COPS2: variants seen among roughly 807,000 people sequenced by gnomAD.
COPS2 encodes COP9 signalosome complex subunit 2.
Under a neutral mutation model 66.1 loss-of-function variants are expected in COPS2, and 10 were observed. That is an observed-to-expected ratio of 0.15 (90% CI 0.09 to 0.26). The LOEUF (loss-of-function observed/expected upper bound fraction) is 0.26, where lower values mean the gene tolerates loss of function less well. Among genes scored for constraint, COPS2 ranks in the 10% least tolerant of loss-of-function variants. The probability of loss-of-function intolerance (pLI) is 1.00; values close to 1 mark genes in which losing one functional copy is unlikely to be tolerated. For missense variants in COPS2, 215 were observed against 513.3 expected, an observed-to-expected ratio of 0.42 and a Z score of 5.62; for synonymous variants, 179 against 171.3, an observed-to-expected ratio of 1.04 and a Z score of -0.35.
In COPS2 at chr15:49,127,889, C is replaced by A; in HGVS notation, c.*61G>T. ...GACAGTAGTTTTGCCATTCCCAGTT[C>A]TTTTAAGGATTACATCTCTGCACTG... On this transcript the variant is annotated 3_prime_UTR_variant, in exon 13 of 13. Coordinates refer to ENST00000388901, the MANE Select transcript of COPS2 (RefSeq NM_004236.4). 6.6e-7 allele frequency: 1 copy of A among 1,525,794 alleles called. No individual in the cohort carries two copies. Among genetic ancestry groups the A allele is most frequent in the Non-Finnish European group, 8.9e-7 (1 of 1,127,738 alleles). 94.5% of individuals were successfully genotyped at this position (1,525,794 alleles called of 1,614,324 possible).
At chr15:49,155,504 G>A in intron 1 of COPS2, 21 bp downstream of exon 1, 2 of 1,613,402 alleles carry the variant, frequency 1.2e-6, no homozygotes, top group Non-Finnish European at 1.7e-6. Context: ...CACCCTCAGA[G>A]TTCCATTCCC....
chr15:49,132,694 C>T (rs1242504556), intron 9 of COPS2, among the ~76,000 whole-genome samples: 1 of 149,030 alleles, frequency 6.7e-6, no homozygotes, highest in Non-Finnish European at 1.5e-5. Flanking sequence ...ATTTCTTATA[C>T]TTTTTTAATG....
chr15:49,150,699 C>A (rs1167011053), intron 1 of COPS2, among the ~76,000 whole-genome samples: 1 of 152,066 alleles, frequency 6.6e-6, no homozygotes, highest in Non-Finnish European at 1.5e-5. Flanking sequence ...TAAGTGGGAA[C>A]TAAATGATGA....
At chr15:49,139,277 C>G (rs1289983926) in intron 4 of COPS2, 1 of 348,998 alleles carries the variant, frequency 2.9e-6, no homozygotes, top group Non-Finnish European at 5.2e-6. Flanking sequence ...TAACATAAGC[C>G]TGAAAAGTTG....
At chr15:49,131,526 G>A (rs600863) in intron 9 of COPS2, among the ~76,000 whole-genome samples, 1 of 151,396 alleles carries the variant, frequency 6.6e-6, no homozygotes, top group Non-Finnish European at 1.5e-5. Context: ...TGCTTTATAC[G>A]TAAGACATTA....
chr15:49,147,534 C>A (rs565319768), intron 1 of COPS2, among the ~76,000 whole-genome samples: 28 of 152,028 alleles, frequency 1.8e-4, no homozygotes, highest in Non-Finnish European at 3.2e-4. Flanking sequence ...AAGAGATTAA[C>A]TTCAATTATC....
At chr15:49,148,490 A>G (rs1055760146) in intron 1 of COPS2, among the ~76,000 whole-genome samples, 6 of 152,228 alleles carry the variant, frequency 3.9e-5, no homozygotes, top group African/African-American at 1.4e-4. Flanking sequence ...AAATGCAAGG[A>G]AGCTTGAAAC....
intron 1 of COPS2, among the ~76,000 whole-genome samples, chr15:49,147,119 A>C (rs1223216624): frequency 6.6e-6 from 1 of 152,192 alleles, no homozygotes; most frequent in African/African-American, 2.4e-5. Flanking sequence ...TGCCTTCGGA[A>C]ATCAGCTCTT....
intron 3 of COPS2, among the ~76,000 whole-genome samples, chr15:49,143,898 A>C (rs1355005259): frequency 6.6e-6 from 1 of 151,966 alleles, no homozygotes; most frequent in African/African-American, 2.4e-5. Context: ...AGGCAGGAGA[A>C]TCACTTGAAC....
At chr15:49,128,164 A>G (rs2084182834) in intron 12 of COPS2, 70 bp from the exon 13 acceptor site, 2 of 1,482,136 alleles carry the variant, frequency 1.3e-6, no homozygotes, top group Admixed American at 3.8e-5. Context: ...TTAATGTTTC[A>G]TAAAATACAG....
chr15:49,135,447 T>A (rs1016468160), intron 6 of COPS2, among the ~76,000 whole-genome samples: 2 of 152,172 alleles, frequency 1.3e-5, no homozygotes, highest in Non-Finnish European at 2.9e-5. Context: ...AGAAGATTAA[T>A]CTGTCAGTAG....
At chr15:49,143,921 G>C (rs1487082027) in intron 3 of COPS2, among the ~76,000 whole-genome samples, 1 of 151,970 alleles carries the variant, frequency 6.6e-6, no homozygotes, top group Admixed American at 6.6e-5. Context: ...AGGAGGCAGA[G>C]GTTGCAGTGA....
rs2084171835 is a variant in COPS2 at position 49,127,016 on chromosome 15, T to C, written c.*934A>G. ...AGCATGATCACTATGCAGAGTAACATTCATTTAGCTGTCTATGTTCTGGCA... is the reference window on the plus strand; with the variant it reads ...AGCATGATCACTATGCAGAGTAACACTCATTTAGCTGTCTATGTTCTGGCA... On this transcript the variant is annotated 3_prime_UTR_variant, in exon 13 of 13. Coordinates refer to ENST00000388901, the MANE Select transcript of COPS2 (RefSeq NM_004236.4). 1.3e-5 allele frequency: 2 copies of C among 152,152 alleles called. No homozygotes were observed. The highest frequency in any genetic ancestry group is 4.8e-5 in the African/African-American group (2 of 41,454). 9.4% of individuals were successfully genotyped at this position (152,152 alleles called of 1,614,324 possible).
chr15:49,132,319 T>C (rs1416685511), intron 9 of COPS2, among the ~76,000 whole-genome samples: 4 of 151,576 alleles, frequency 2.6e-5, no homozygotes, highest in Non-Finnish European at 5.9e-5. Context: ...AGGTTTTTAA[T>C]TCCAAACTGT....
intron 1 of COPS2, among the ~76,000 whole-genome samples, chr15:49,146,233 T>A (rs1326899344): frequency 6.6e-6 from 1 of 152,136 alleles, no homozygotes; most frequent in Non-Finnish European, 1.5e-5. Context: ...TGTGAAGACC[T>A]GAGTCTGTCA....
At position 49,139,581 on chromosome 15, in the gene COPS2, A is replaced by G; in HGVS notation, c.319T>C (p.Tyr107His). The G allele has an allele frequency of 6.3e-7, 1 of 1,596,688 alleles. No individual in the cohort carries two copies. Among genetic ancestry groups the G allele is most frequent in the Non-Finnish European group, 8.6e-7 (1 of 1,164,844 alleles). Residue 107 changes from tyrosine (Y) to histidine (H), a missense_variant, in exon 4 of 13, where the codon TAT (tyrosine) becomes CAT (histidine). Around this residue, in one of 5 missense-constraint regions of COPS2, gnomAD observed 90 missense variants for 225.1 expected, o/e 0.40. Coordinates refer to ENST00000388901, the MANE Select transcript of COPS2 (RefSeq NM_004236.4). ...TYIRSAVTRN[Y>H]SEKSINSILD... The stretch of plus-strand genomic sequence containing the variant: ...ATAGAATTAATGGATTTTTCAGAAT[A>G]ATTTCTTGTGACTGCACTCCGAATA...
intron 6 of COPS2, among the ~76,000 whole-genome samples, chr15:49,136,451 T>C (rs1399953735): frequency 6.6e-6 from 1 of 152,196 alleles, no homozygotes. Flanking sequence ...AAATGCTTGA[T>C]AGCTACACAT....
intron 10 of COPS2, 136 bp downstream of exon 10, chr15:49,130,583 G>C: frequency 2.2e-6 from 1 of 459,828 alleles, no homozygotes. Context: ...CCCATCCAAT[G>C]ACAGCATTTA....
At chr15:49,143,063 A>G (rs923226117) in intron 3 of COPS2, among the ~76,000 whole-genome samples, 11 of 152,200 alleles carry the variant, frequency 7.2e-5, no homozygotes, top group African/African-American at 2.7e-4. Context: ...GGCCATCCTG[A>G]TAAGTGGTGC....
Sources: gnomAD v4.1 joint callset for allele counts (sites outside exome capture counted in the v4.1 genomes callset) on GRCh38, gnomAD v4.1.1 for gene constraint, gnomAD v4.1.1 regional missense constraint, MANE v1.5 for transcripts, NCBI Gene and HGNC (gene_info 2026-07-23, HGNC 2026-07-21) for gene names.